SLF2: variants seen among roughly 807,000 people sequenced by gnomAD.
SLF2 encodes SMC5-SMC6 complex localization factor protein 2.
Under a neutral mutation model 124.3 loss-of-function variants are expected in SLF2, and 68 were observed. The observed-to-expected ratio is 0.55, with a 90% confidence interval of 0.45 to 0.67. The LOEUF is 0.67. Among genes scored for constraint, SLF2 ranks in the 30% least tolerant of loss-of-function variants. The pLI, the probability that SLF2 is intolerant of heterozygous loss-of-function variation, is 0.00. For missense variants in SLF2, 1,246 were observed against 1,373.7 expected, an observed-to-expected ratio of 0.91 and a Z score of 1.47; for synonymous variants, 480 against 478.8, an observed-to-expected ratio of 1.00 and a Z score of -0.03.
chr10:100,947,013 A>G, intron 13 of SLF2, 26 bp from the exon 14 acceptor site: 2 of 1,577,962 alleles, frequency 1.3e-6, no homozygotes, highest in Non-Finnish European at 1.7e-6. Flanking sequence ...GTTTGAAAAG[A>G]AATCTTACAT....
chr10:100,923,000 T>C (rs1849548481), intron 4 of SLF2, among the ~76,000 whole-genome samples: 1 of 152,044 alleles, frequency 6.6e-6, no homozygotes, highest in Non-Finnish European at 1.5e-5. Flanking sequence ...GGTCTCAAAC[T>C]CCTGACCTCA....
intron 3 of SLF2, 57 bp downstream of exon 3, chr10:100,917,357 T>C (rs754760385): frequency 6.7e-7 from 1 of 1,499,796 alleles, no homozygotes; most frequent in Non-Finnish European, 8.9e-7. Context: ...TTTAGAATAC[T>C]AAATTTAAAA....
intron 13 of SLF2, among the ~76,000 whole-genome samples, chr10:100,946,457 G>A (rs1850105496): frequency 1.3e-5 from 2 of 151,688 alleles, no homozygotes; most frequent in Admixed American, 1.3e-4. Context: ...CTCCCGAGTA[G>A]ATGAGACTAT....
intron 1 of SLF2, 102 bp downstream of exon 1, chr10:100,913,352 G>C: frequency 1.5e-6 from 2 of 1,377,406 alleles, no homozygotes; most frequent in Admixed American, 3.5e-5. Flanking sequence ...TCCTCCGCGA[G>C]CTCAGGCGTT....
At chr10:100,956,308 C>A (rs1035647352) in intron 17 of SLF2, 143 bp from the exon 18 acceptor site, 3 of 596,014 alleles carry the variant, frequency 5.0e-6, no homozygotes, top group Non-Finnish European at 8.8e-6. Flanking sequence ...GATACAACTA[C>A]TGTTACGTTG....
rs1260842651 is a variant in SLF2, at chr10:100,929,331, A to G, written c.2057A>G (p.Gln686Arg). ...CCAATTCTCAGGCTAGATGAACTGC[A>G]GAAGCAACTACAAGAAGACATAAGG... is the stretch of plus-strand genomic sequence containing the variant. ...MEDTQRLDEL[Q>R]KQLQEDIRQG... Residue 686 changes from glutamine to arginine, a missense_variant, in exon 7 of 20, where the codon CAG becomes CGG. By Grantham distance (43) the Gln-to-Arg change is conservative (BLOSUM62 1). Transcript: ENST00000238961. 1 of 1,612,190 alleles carries G rather than the reference A, an allele frequency of 6.2e-7. No individual in the cohort carries two copies. Among genetic ancestry groups the G allele is most frequent in the South Asian group, 1.1e-5 (1 of 90,876 alleles).
At chr10:100,928,077 GAC>G (rs1849653121) in intron 6 of SLF2, among the ~76,000 whole-genome samples, 2 of 67,066 alleles carry the variant, frequency 3.0e-5, no homozygotes, top group African/African-American at 4.8e-5. Flanking sequence ...ACGAGAGAGA[GAC>G]AGAGAGAGAG....
At chr10:100,946,176 A>T (rs1014415560) in intron 13 of SLF2, among the ~76,000 whole-genome samples, 1 of 152,174 alleles carries the variant, frequency 6.6e-6, no homozygotes, top group South Asian at 2.1e-4. Flanking sequence ...CCTAAGTATC[A>T]CTTTGCTTCA....
intron 9 of SLF2, among the ~76,000 whole-genome samples, chr10:100,935,977 GC>G (rs1849846791): frequency 6.8e-6 from 1 of 146,528 alleles, no homozygotes; most frequent in East Asian, 2.1e-4. Flanking sequence ...TCCCCCCTCA[GC>G]CCCCCAAGTA....
At chr10:100,923,372 C>G (rs1483550732) in intron 4 of SLF2, among the ~76,000 whole-genome samples, 2 of 152,130 alleles carry the variant, frequency 1.3e-5, no homozygotes, top group East Asian at 3.9e-4. Context: ...TCTTGACTTA[C>G]AGCTGCATCA....
At position 100,924,651 on chromosome 10, in the gene SLF2, C is replaced by T; in HGVS notation, c.1650C>T (p.Gly550=). ...GGGGACCTTTGCGCTCAGAATATGG[C>T]ACTCCTACAAAGTCTCCCCCTGCTG... is the stretch of plus-strand genomic sequence containing the variant. ...ISGGPLRSEY[G]TPTKSPPAAL... is the part of the protein sequence containing the mutation. The change falls in exon 5 of 20, where the codon GGC becomes GGT. Residue 550 remains glycine (G), a synonymous_variant. Coordinates refer to ENST00000238961, the MANE Select transcript of SLF2 (RefSeq NM_018121.4). 1 of 1,614,090 alleles carries T rather than the reference C, an allele frequency of 6.2e-7. No homozygotes were observed. Among genetic ancestry groups the T allele is most frequent in the Admixed American group, 1.7e-5 (1 of 60,014 alleles).
chr10:100,947,150 A>T lies in SLF2; in HGVS notation c.3032+14A>T. The stretch of plus-strand genomic sequence containing the variant: ...ATCACGTGGAAGGTATTAAAAAGTG[A>T]AAATTAAACATTAAGAAATTTTATA... On this transcript the variant is annotated intron_variant, in intron 14 of 19. Transcript: ENST00000238961. The T allele has an allele frequency of 1.4e-6, 2 of 1,443,298 alleles. No homozygotes were observed. The highest frequency in any genetic ancestry group is 1.9e-6 in the Non-Finnish European group (2 of 1,071,430). The allele number at this position is 1,443,298 out of a possible 1,614,324, so 89.4% of individuals were successfully genotyped here.
rs779930549 is a variant in SLF2 at position 100,913,094 on chromosome 10, T to C, written c.-17T>C. Reference sequence around the variant, plus strand: ...TCTCCAGCCACGGCTCATGCCGCCGTCGCCAGCGGCGCCGACATGACAAGG... The same window carrying C: ...TCTCCAGCCACGGCTCATGCCGCCGCCGCCAGCGGCGCCGACATGACAAGG... On this transcript the variant is annotated 5_prime_UTR_variant, in exon 1 of 20. Transcript: ENST00000238961. 619 of 1,608,580 alleles carry C rather than the reference T, an allele frequency of 3.8e-4. 1 individual carries two copies. Among genetic ancestry groups the C allele is most frequent in the Non-Finnish European group, 4.6e-4 (540 of 1,177,574 alleles).
intron 5 of SLF2, 94 bp downstream of exon 5, chr10:100,925,066 G>T (rs1849590631): frequency 1.6e-6 from 2 of 1,258,290 alleles, no homozygotes; most frequent in Middle Eastern, 2.1e-4. Context: ...TTAAAATTTA[G>T]TATTTATTAT....
At chr10:100,915,847 C>A in intron 1 of SLF2, 152 bp from the exon 2 acceptor site, 3 of 586,918 alleles carry the variant, frequency 5.1e-6, no homozygotes, top group East Asian at 2.8e-5. Flanking sequence ...TTTTAATGAA[C>A]AGTTTAGCAA....
chr10:100,927,929 A>G (rs1847801041), intron 6 of SLF2, among the ~76,000 whole-genome samples: 1 of 151,154 alleles, frequency 6.6e-6, no homozygotes, highest in African/African-American at 2.4e-5. Flanking sequence ...CCTGTTTTTA[A>G]TTGGCTTGTT....
intron 9 of SLF2, among the ~76,000 whole-genome samples, 193 bp downstream of exon 9, chr10:100,931,271 T>C (rs556780103): frequency 1.1e-4 from 17 of 152,350 alleles, no homozygotes; most frequent in African/African-American, 3.8e-4. Context: ...TAGATAGTTG[T>C]ACAGGACAGT....
chr10:100,925,133 T>G (rs1403615919), intron 5 of SLF2, among the ~76,000 whole-genome samples, 161 bp downstream of exon 5: 2 of 152,214 alleles, frequency 1.3e-5, no homozygotes, highest in African/African-American at 4.8e-5. Flanking sequence ...AGTTTCCATA[T>G]CTTTAGTTTT....
At position 100,961,789 on chromosome 10, in the gene SLF2, TTGTC is replaced by T. The variant is rs1253211014; in HGVS notation, c.3487-85_3487-82del. On this transcript the variant is annotated intron_variant, in intron 19 of 19. Transcript: ENST00000238961. The stretch of plus-strand genomic sequence containing the variant: ...TTATTACTTGTCTTATCAAAGCCCA[TTGTC>T]TGATGATTAGTAGTTTTATAAGGAT... The T allele has an allele frequency of 3.2e-5, 35 of 1,098,340 alleles. 1 individual carries two copies. The South Asian group carries it at 4.1e-4, about 13-fold the overall frequency. 68.0% of individuals were successfully genotyped at this position (1,098,340 alleles called of 1,614,324 possible). A position where few individuals can be genotyped will look rare whatever the true frequency, so the allele number is the denominator to read the frequency against.
Sources: gnomAD v4.1 joint callset for allele counts (sites outside exome capture counted in the v4.1 genomes callset) on GRCh38, gnomAD v4.1.1 for gene constraint, MANE v1.5 for transcripts, NCBI Gene and HGNC (gene_info 2026-07-23, HGNC 2026-07-21) for gene names.